The following TMEM132D variants were observed in gnomAD, a reference collection of about 807,000 sequenced individuals.
TMEM132D encodes the protein mature OL transmembrane protein.
Under a neutral mutation model 62.3 loss-of-function variants are expected in TMEM132D, and 21 were observed. The observed-to-expected ratio is 0.34, with a 90% CI of 0.24 to 0.49. The LOEUF (loss-of-function observed/expected upper bound fraction) is 0.49. TMEM132D is among the 20% of genes least tolerant of loss of function. TMEM132D has a pLI of 0.99. For synonymous variants in TMEM132D, 621 were observed against 575.6 expected (o/e 1.08, Z -1.13); for missense variants, 1,346 against 1,402.8 (o/e 0.96, Z 0.65).
intron 2 of TMEM132D, among the ~76,000 whole-genome samples, chr12:129,543,059 C>A (rs1876625687): frequency 2.0e-5 from 3 of 150,604 alleles, no homozygotes; most frequent in African/African-American, 4.9e-5. Flanking sequence ...GTACTCCTGT[C>A]ATTAAGCAAT....
chr12:129,300,646 C>T lies in TMEM132D; in HGVS notation c.1299+36988G>A, dbSNP rs956769791. 5.3e-5 allele frequency among the ~76,000 whole-genome samples: 8 copies of T among 152,214 alleles called. No individual in the cohort carries two copies. The Middle Eastern group carries it at 0.01, about 194-fold the overall frequency. ...TCTTTTTTTCTTTTTCCTGTCAATG[C>T]TGAATATTTATTAACAAAGAGATAC... On this transcript the variant is annotated intron_variant, in intron 4 of 8. Coordinates refer to ENST00000422113, the MANE Select transcript of TMEM132D (RefSeq NM_133448.3).
chr12:129,613,112 A>G (rs1160611397), intron 2 of TMEM132D, among the ~76,000 whole-genome samples: 1 of 152,102 alleles, frequency 6.6e-6, no homozygotes, highest in Non-Finnish European at 1.5e-5. Flanking sequence ...TTTTCCTAGA[A>G]CTACGAGTTG....
At chr12:129,744,796 G>A (rs1408717142) in intron 1 of TMEM132D, among the ~76,000 whole-genome samples, 3 of 152,190 alleles carry the variant, frequency 2.0e-5, no homozygotes, top group African/African-American at 4.8e-5. Context: ...CTAGGGGAAA[G>A]CATGCAATGA....
At chr12:129,168,573 T>C (rs995515250) in intron 5 of TMEM132D, among the ~76,000 whole-genome samples, 3 of 152,166 alleles carry the variant, frequency 2.0e-5, no homozygotes, top group Admixed American at 6.5e-5. Context: ...GTCCTCAAGG[T>C]CCACCTGTAT....
chr12:129,377,672 GT>G (rs1168787736), intron 3 of TMEM132D, among the ~76,000 whole-genome samples: 16 of 152,180 alleles, frequency 1.1e-4, no homozygotes, highest in African/African-American at 3.9e-4. Flanking sequence ...CCAGGAACCA[GT>G]TTGGTTTCAT....
At chr12:129,145,567 C>T (rs1458366998) in intron 5 of TMEM132D, among the ~76,000 whole-genome samples, 1 of 152,056 alleles carries the variant, frequency 6.6e-6, no homozygotes, top group African/African-American at 2.4e-5. Context: ...ATCTCTGTCT[C>T]CTGCCAAGAT....
chr12:129,306,921 G>A (rs1881859187), intron 4 of TMEM132D, among the ~76,000 whole-genome samples: 1 of 152,186 alleles, frequency 6.6e-6, no homozygotes, highest in South Asian at 2.1e-4. Flanking sequence ...GCGGGAACAT[G>A]AGCAGTTCTA....
In TMEM132D at chr12:129,209,629, C is replaced by T; in HGVS notation, c.1334G>A (p.Gly445Glu). Residue 445 changes from glycine to glutamate, a missense_variant, in exon 5 of 9, where the codon GGG (glycine) becomes GAG (glutamate). Gly to Glu is a moderately conservative substitution (Grantham distance 98). Transcript: ENST00000422113. ...AEILNTAILT[G>E]KTVAVPVKVV... ...TTTCACCGGGACGGCCACCGTCTTC[C>T]CCGTGAGGATGGCTGTGTTCAGGAT... 1 of 1,614,200 alleles carries T rather than the reference C, an allele frequency of 6.2e-7. No homozygotes were observed. Among genetic ancestry groups the T allele is most frequent in the Non-Finnish European group, 8.5e-7 (1 of 1,180,032 alleles).
chr12:129,816,176 A>G (rs905342519), intron 1 of TMEM132D, among the ~76,000 whole-genome samples: 1 of 152,232 alleles, frequency 6.6e-6, no homozygotes. Flanking sequence ...CAACACTTCA[A>G]AAATATATTT....
At chr12:129,507,860 C>T (rs1024757261) in intron 3 of TMEM132D, among the ~76,000 whole-genome samples, 1 of 152,010 alleles carries the variant, frequency 6.6e-6, no homozygotes, top group Non-Finnish European at 1.5e-5. Flanking sequence ...CCTATGGAAA[C>T]AAAAAACATT....
At chr12:129,780,236 T>G (rs1383065336) in intron 1 of TMEM132D, among the ~76,000 whole-genome samples, 1 of 150,134 alleles carries the variant, frequency 6.7e-6, no homozygotes, top group Non-Finnish European at 1.5e-5. Context: ...TGCTGGGCAC[T>G]GTGGACAGCG....
intron 2 of TMEM132D, among the ~76,000 whole-genome samples, chr12:129,627,502 T>C (rs1171391772): frequency 1.3e-5 from 2 of 152,124 alleles, no homozygotes; most frequent in Non-Finnish European, 2.9e-5. Flanking sequence ...TGTCCCATCC[T>C]TAAGTGACCC....
At chr12:129,431,676 T>C (rs1448926224) in intron 3 of TMEM132D, among the ~76,000 whole-genome samples, 2 of 152,188 alleles carry the variant, frequency 1.3e-5, no homozygotes, top group South Asian at 2.1e-4. Context: ...GCAACATCCA[T>C]ATATGAATTC....
chr12:129,550,507 C>A (rs987661635), intron 2 of TMEM132D, among the ~76,000 whole-genome samples: 8 of 152,174 alleles, frequency 5.3e-5, no homozygotes, highest in Admixed American at 3.9e-4. Context: ...TGCATCTTGG[C>A]ACTTAGCAGC....
intron 5 of TMEM132D, among the ~76,000 whole-genome samples, chr12:129,162,413 G>A (rs1467086471): frequency 3.3e-5 from 5 of 152,120 alleles, no homozygotes; most frequent in Non-Finnish European, 5.9e-5. Flanking sequence ...CCCAGTCTAT[G>A]GTATTTTGTT....
chr12:129,320,951 A>G (rs1031561846), intron 4 of TMEM132D, among the ~76,000 whole-genome samples: 3 of 148,962 alleles, frequency 2.0e-5, no homozygotes, highest in Admixed American at 6.6e-5. Context: ...CCCACTAGAC[A>G]TTATTTATAC....
chr12:129,163,944 G>A (rs924022132), intron 5 of TMEM132D, among the ~76,000 whole-genome samples: 1 of 152,224 alleles, frequency 6.6e-6, no homozygotes, highest in African/African-American at 2.4e-5. Context: ...CCAGCCGGAT[G>A]GAAGTTGATA....
At chr12:129,511,433 G>T (rs1875493418) in intron 3 of TMEM132D, among the ~76,000 whole-genome samples, 2 of 152,102 alleles carry the variant, frequency 1.3e-5, no homozygotes, top group African/African-American at 4.8e-5. Context: ...CAATTCACCT[G>T]CTGTGGACAC....
chr12:129,882,430 G>C (rs778585212), intron 1 of TMEM132D, among the ~76,000 whole-genome samples: 33 of 152,076 alleles, frequency 2.2e-4, no homozygotes, highest in Non-Finnish European at 3.8e-4. Flanking sequence ...ACTAAATTGG[G>C]TTTGACGAGG....
Sources: allele counts gnomAD v4.1 joint callset (sites outside exome capture counted in the v4.1 genomes callset), GRCh38; gene constraint gnomAD v4.1.1; transcripts MANE v1.5; gene names NCBI Gene and HGNC (gene_info 2026-07-23, HGNC 2026-07-21).